The following TIMM44 variants were observed in gnomAD, a reference collection of about 807,000 sequenced individuals.
The protein encoded by TIMM44 is translocase of inner mitochondrial membrane 44.
TIMM44 carries 37 observed loss-of-function variants against 63.8 expected under a neutral mutation model. The observed-to-expected ratio is 0.58, with a 90% CI of 0.45 to 0.76. The LOEUF is 0.76. TIMM44 is among the 30% of genes least tolerant of loss of function. TIMM44 has a pLI of 0.00. For missense variants in TIMM44, 573 were observed against 603.8 expected, an observed-to-expected ratio of 0.95 and a Z score of 0.54; for synonymous variants, 239 against 245.1, an observed-to-expected ratio of 0.98 and a Z score of 0.23.
chr19:7,932,632 G>A lies in TIMM44; in HGVS notation c.982C>T (p.Leu328=), dbSNP rs1260735136. The change falls in exon 9 of 13, where the codon CTG becomes TTG. Residue 328 remains leucine (L), a synonymous_variant. Coordinates refer to ENST00000270538, the MANE Select transcript of TIMM44 (RefSeq NM_006351.4). ...QCENDIIPNV[L]EAMISGELDI... Reference sequence around the variant, plus strand: ...CCTGGGGGTGTGGCACCCACCTCCAGGACATTGGGGATGATGTCGTTCTCG... The same window carrying A: ...CCTGGGGGTGTGGCACCCACCTCCAAGACATTGGGGATGATGTCGTTCTCG... The A allele has an allele frequency of 6.2e-7, 1 of 1,613,408 alleles. No individual in the cohort carries two copies. Among genetic ancestry groups the A allele is most frequent in the African/African-American group, 1.3e-5 (1 of 74,930 alleles).
intron 10 of TIMM44, among the ~76,000 whole-genome samples, chr19:7,929,338 C>A (rs966575865): frequency 1.3e-5 from 2 of 152,322 alleles, no homozygotes; most frequent in Non-Finnish European, 2.9e-5. Context: ...GGACACAGCT[C>A]CTTCCTGGTG....
Position 7,934,105 on chromosome 19 carries a change from A to G in TIMM44, c.527T>C (p.Phe176Ser), listed in dbSNP as rs1370476989. The part of the protein sequence containing the change: ...GGEKLGRTAA[F>S]RALSQGVESV... ...TGGGCTCACCTGGGAGAGGGCTCTG[A>G]AGGCCGCTGTCCTGCCCAGCTTCTC... Residue 176 changes from phenylalanine (F) to serine (S), a missense_variant, in exon 5 of 13, where the codon TTC becomes TCC. Coordinates refer to ENST00000270538, the MANE Select transcript of TIMM44 (RefSeq NM_006351.4). This position sits in a 1 kb window ranked among gnomAD's most constrained non-coding sequence, Gnocchi z 5.3. The G allele has an allele frequency of 1.4e-5, 22 of 1,613,150 alleles. No individual in the cohort carries two copies. Among genetic ancestry groups the G allele is most frequent in the Non-Finnish European group, 1.7e-5 (20 of 1,179,954 alleles).
Position 7,933,488 on chromosome 19 carries a change from T to C in TIMM44, c.766A>G (p.Asn256Asp), listed in dbSNP as rs1984046052. The change falls in exon 7 of 13, where the codon AAC (asparagine) becomes GAC (aspartate). Residue 256 changes from asparagine to aspartate, a missense_variant. Transcript: ENST00000270538. The surrounding 1 kb of genome is among the most constrained non-coding windows in gnomAD (Gnocchi z 4.3). ...KDFKENNVVF[N>D]RFFEMKMKYD... ...CCTCCAAGACACCTTCACTCACGGTTAAACACCACGTTGTTCTCCTTGAAG... is the reference window on the plus strand; with the variant it reads ...CCTCCAAGACACCTTCACTCACGGTCAAACACCACGTTGTTCTCCTTGAAG... 6 of 1,613,930 alleles carry C rather than the reference T, an allele frequency of 3.7e-6. No homozygotes were observed. Among genetic ancestry groups the C allele is most frequent in the Non-Finnish European group, 5.1e-6 (6 of 1,179,942 alleles).
Position 7,938,068 on chromosome 19 carries a change from G to C in TIMM44, c.271C>G (p.Leu91Val), listed in dbSNP as rs1207216689. The C allele has an allele frequency of 2.5e-6, 4 of 1,614,086 alleles. No homozygotes were observed. Among genetic ancestry groups the C allele is most frequent in the Admixed American group, 3.3e-5 (2 of 59,988 alleles). Residue 91 changes from leucine (L) to valine (V), a missense_variant, in exon 3 of 13, where the codon CTA (leucine) becomes GTA (valine). By Grantham distance (32) the Leu-to-Val change is conservative. Transcript: ENST00000270538. ...TCCTGGAGCACGTCTGATTCTTCTA[G>C]CCTTCTGGCCTCGTCACGGAATTTT... The part of the protein sequence containing the change: ...IKKFRDEARR[L>V]EESDVLQEAR...
At chr19:7,941,847 T>A (rs1401362097) in intron 1 of TIMM44, among the ~76,000 whole-genome samples, 3 of 152,190 alleles carry the variant, frequency 2.0e-5, no homozygotes, top group African/African-American at 7.2e-5. Flanking sequence ...TCTATGCTAG[T>A]GGCAAGCAGT....
At position 7,927,314 on chromosome 19, in the gene TIMM44, G is replaced by T; in HGVS notation, c.1240-8C>A. 6.2e-7 allele frequency: 1 copy of T among 1,609,936 alleles called. No homozygotes were observed. On this transcript the variant is annotated splice_region_variant and splice_polypyrimidine_tract_variant and intron_variant, in intron 12 of 12. Transcript: ENST00000270538. The stretch of plus-strand genomic sequence containing the variant: ...CATCCGCAGCACCTTGTCCTGCAGG[G>T]TGGGGTGGGAAGGGCACTGTTGAGA...
Position 7,933,809 on chromosome 19 carries a change from C to A in TIMM44, c.683+55G>T. On this transcript the variant is annotated intron_variant, in intron 6 of 12. Transcript: ENST00000270538. The surrounding 1 kb of genome is among the most constrained non-coding windows in gnomAD (Gnocchi z 4.3). ...ACCATTGGTGGGCTCCCGAAATGGA[C>A]AGCAGTGAAAGCTGCCCAAAATGGG... is the stretch of plus-strand genomic sequence containing the variant. 6.2e-7 allele frequency: 1 copy of A among 1,611,320 alleles called. No individual in the cohort carries two copies. Among genetic ancestry groups the A allele is most frequent in the East Asian group, 2.2e-5 (1 of 44,858 alleles).
Position 7,935,101 on chromosome 19 carries a change from C to T in TIMM44, c.357G>A (p.Arg119=), listed in dbSNP as rs1984107607. 1 of 1,613,844 alleles carries T rather than the reference C, an allele frequency of 6.2e-7. No homozygotes were observed. Among genetic ancestry groups the T allele is most frequent in the Non-Finnish European group, 8.5e-7 (1 of 1,179,932 alleles). Residue 119 remains arginine (R), a synonymous_variant, in exon 4 of 13, where the codon CGG becomes CGA. Transcript: ENST00000270538. ...TGCCCGTCAGCTCCCCAAGCTTCTTCCGTAGCACCTCGCTCGTCCGCACGG... is the reference window on the plus strand; with the variant it reads ...TGCCCGTCAGCTCCCCAAGCTTCTTTCGTAGCACCTCGCTCGTCCGCACGG... ...SETVRTSEVL[R]KKLGELTGTV...
chr19:7,941,099 C>T lies in TIMM44; in HGVS notation c.141+3G>A, dbSNP rs1191055720. ...GCTGGCCCGAGCATCCTGAGTCACT[C>T]ACCAGTGGCAGCTCTCCGCCCGGCC... On this transcript the variant is annotated splice_donor_region_variant and intron_variant, in intron 2 of 12. Coordinates refer to ENST00000270538, the MANE Select transcript of TIMM44 (RefSeq NM_006351.4). 1 of 1,613,204 alleles carries T rather than the reference C, an allele frequency of 6.2e-7. No homozygotes were observed. The highest frequency in any genetic ancestry group is 1.3e-5 in the African/African-American group (1 of 74,864).
At chr19:7,930,165 G>A (rs1272772390) in intron 10 of TIMM44, among the ~76,000 whole-genome samples, 1 of 150,544 alleles carries the variant, frequency 6.6e-6, no homozygotes, top group Admixed American at 6.6e-5. Flanking sequence ...CTTAGTGACA[G>A]TGTCTTGATC....
chr19:7,936,845 A>C (rs1406664912), intron 3 of TIMM44, among the ~76,000 whole-genome samples: 1 of 152,192 alleles, frequency 6.6e-6, no homozygotes, highest in Non-Finnish European at 1.5e-5. Flanking sequence ...TCACACCTGT[A>C]ATCTCAGCAC....
intron 12 of TIMM44, 55 bp from the exon 13 acceptor site, chr19:7,927,361 C>T: frequency 1.3e-6 from 2 of 1,587,552 alleles, no homozygotes; most frequent in Admixed American, 1.7e-5. Context: ...ACCCAGGCAG[C>T]TCTGGGGGGG....
chr19:7,927,753 C>CT lies in TIMM44; in HGVS notation c.1142dup (p.Met382AspfsTer31). 6.2e-7 allele frequency: 1 copy of CT among 1,611,910 alleles called. No individual in the cohort carries two copies. Among genetic ancestry groups the CT allele is most frequent in the Non-Finnish European group, 8.5e-7 (1 of 1,180,002 alleles). On this transcript the variant is annotated frameshift_variant, in exon 12 of 13. Coordinates refer to ENST00000270538, the MANE Select transcript of TIMM44 (RefSeq NM_006351.4). LOFTEE classifies it high-confidence loss of function. Reference sequence around the variant, plus strand: ...TCAGCACCGGCCCCTGCTCCATCATCTTGCCCATGGCCAGCTGCAGAGGGG... The same window carrying CT: ...TCAGCACCGGCCCCTGCTCCATCATCTTTGCCCATGGCCAGCTGCAGAGGGG...
chr19:7,942,438 G>A (rs1984335320), intron 1 of TIMM44, among the ~76,000 whole-genome samples: 1 of 151,098 alleles, frequency 6.6e-6, no homozygotes. Flanking sequence ...AAAAATTGGG[G>A]GAAAAAAAAA....
intron 9 of TIMM44, among the ~76,000 whole-genome samples, chr19:7,932,001 C>T (rs1983998968): frequency 6.6e-6 from 1 of 152,212 alleles, no homozygotes; most frequent in African/African-American, 2.4e-5. Context: ...ATGGAGAGTC[C>T]CATGAAGGGC....
chr19:7,938,936 G>A (rs777290200), intron 2 of TIMM44, among the ~76,000 whole-genome samples: 11 of 152,128 alleles, frequency 7.2e-5, no homozygotes, highest in African/African-American at 2.7e-4. Flanking sequence ...GCTACATACT[G>A]TCTGATTCCA....
intron 10 of TIMM44, among the ~76,000 whole-genome samples, chr19:7,929,929 G>A (rs112501578): frequency 0.012 from 1,811 of 150,566 alleles, 41 homozygotes; most frequent in African/African-American, 0.042. Flanking sequence ...GCTCACTGCA[G>A]CCTCCGCCTC....
In TIMM44 at chr19:7,933,747, G is replaced by A; in HGVS notation, c.683+117C>T. 6.6e-7 allele frequency: 1 copy of A among 1,515,138 alleles called. No homozygotes were observed. The highest frequency in any genetic ancestry group is 1.1e-5 in the South Asian group (1 of 88,556). The allele number at this position is 1,515,138 out of a possible 1,614,324, so 93.9% of individuals were successfully genotyped here. ...AAATTCGAGGGAGCCGGGAACCTTG[G>A]GCAGAAGGCAAACTCAAGAAACGGA... On this transcript the variant is annotated intron_variant, in intron 6 of 12. Transcript: ENST00000270538. The surrounding 1 kb of genome is among the most constrained non-coding windows in gnomAD (Gnocchi z 4.3).
At chr19:7,935,303 C>G (rs1361244616) in intron 3 of TIMM44, 158 bp from the exon 4 acceptor site, 1 of 668,500 alleles carries the variant, frequency 1.5e-6, no homozygotes. Context: ...GTAGCTGGGA[C>G]TACAGGGCCC....
Sources: gnomAD v4.1 joint callset for allele counts (sites outside exome capture counted in the v4.1 genomes callset) on GRCh38, gnomAD v4.1.1 for gene constraint, Gnocchi (gnomAD v3.1) non-coding constraint, MANE v1.5 for transcripts, NCBI Gene and HGNC (gene_info 2026-07-23, HGNC 2026-07-21) for gene names.